ANKRD28: variants seen among roughly 807,000 people sequenced by gnomAD.
ANKRD28 encodes ankyrin repeat domain 28.
In ANKRD28, 44 loss-of-function variants were observed where a neutral mutation model predicts 126.5. The observed-to-expected ratio is 0.35, with a 90% CI of 0.27 to 0.45. The LOEUF is 0.45. Ranked by LOEUF, ANKRD28 falls within the 20% of genes least tolerant of loss-of-function variation. The pLI is 1.00. For missense variants in ANKRD28, 1,110 were observed against 1,316.6 expected, an observed-to-expected ratio of 0.84 and a Z score of 2.43; for synonymous variants, 442 against 468.5, an observed-to-expected ratio of 0.94 and a Z score of 0.73.
chr3:15,799,342 A>G (rs774467928), upstream of ANKRD28, among the ~76,000 whole-genome samples: 2 of 151,976 alleles, frequency 1.3e-5, no homozygotes, highest in Non-Finnish European at 2.9e-5. Context: ...AAATCCCAGC[A>G]TGATACAAAT....
chr3:15,708,120 C>T, intron 13 of ANKRD28, 56 bp from the exon 14 acceptor site: 1 of 1,538,780 alleles, frequency 6.5e-7, no homozygotes, highest in Middle Eastern at 1.7e-4. Flanking sequence ...AACTAGTAAA[C>T]AAAAGCATAG....
At chr3:15,751,890 G>C in intron 3 of ANKRD28, 70 bp from the exon 4 acceptor site, 1 of 1,057,724 alleles carries the variant, frequency 9.5e-7, no homozygotes, top group Non-Finnish European at 1.4e-6. Context: ...TCCTGAAATA[G>C]TAGTTATATA....
chr3:15,700,847 T>C (rs1375477761), intron 14 of ANKRD28, among the ~76,000 whole-genome samples: 1 of 152,062 alleles, frequency 6.6e-6, no homozygotes, highest in Non-Finnish European at 1.5e-5. Context: ...AGCACTGAAA[T>C]AGCACTGGTA....
At chr3:15,717,856 C>T (rs552709185) in intron 8 of ANKRD28, among the ~76,000 whole-genome samples, 2 of 152,168 alleles carry the variant, frequency 1.3e-5, no homozygotes, top group South Asian at 2.1e-4. Context: ...GAATTTATAA[C>T]CTTAGAAACT....
chr3:15,767,520 T>C (rs1220490343), intron 2 of ANKRD28, among the ~76,000 whole-genome samples: 1 of 151,420 alleles, frequency 6.6e-6, no homozygotes, highest in Non-Finnish European at 1.5e-5. Context: ...GGTATGTGAG[T>C]GGAAATTAAT....
At chr3:15,700,646 C>T (rs139826759) in intron 14 of ANKRD28, among the ~76,000 whole-genome samples, 2,243 of 151,862 alleles carry the variant, frequency 0.015, 59 homozygotes, top group African/African-American at 0.051. Context: ...TGGTGGCGGG[C>T]GCCTGTAGTC....
chr3:15,828,164 C>T (rs989404370), intron 1 of ANKRD28, among the ~76,000 whole-genome samples: 10 of 152,038 alleles, frequency 6.6e-5, no homozygotes, highest in African/African-American at 2.2e-4. Flanking sequence ...GCTAAAAAAG[C>T]ATCACTTACA....
chr3:15,852,715 C>T (rs2061679699), intron 1 of ANKRD28, among the ~76,000 whole-genome samples: 1 of 151,664 alleles, frequency 6.6e-6, no homozygotes, highest in Admixed American at 6.6e-5. Flanking sequence ...TGCCTGTAAT[C>T]CCAGCTATTT....
intron 4 of ANKRD28, among the ~76,000 whole-genome samples, chr3:15,743,384 A>AAAAC (rs1553616013): frequency 2.6e-5 from 4 of 152,004 alleles, no homozygotes; most frequent in East Asian, 1.9e-4. Flanking sequence ...ACAAAAAAAA[A>AAAAC]CAAAACATAT....
At position 15,819,536 on chromosome 3, in the gene ANKRD28, A is replaced by G. The variant is rs139980517; in HGVS notation, c.28-24230T>C. Among the ~76,000 whole-genome samples the G allele has an allele frequency of 2.7e-3, 408 of 152,318 alleles. 2 individuals are homozygous for G. Among genetic ancestry groups the G allele is most frequent in the African/African-American group, 9.0e-3 (376 of 41,564 alleles). ...TCATAAAATCTCTAGGTATAAACAA[A>G]ATAATATTGGTTGGCTACAGTACAG... On this transcript the variant is annotated intron_variant, in intron 1 of 27. Transcript: ENST00000399451.
At chr3:15,856,957 T>C (rs1468085113) in intron 1 of ANKRD28, among the ~76,000 whole-genome samples, 4 of 152,256 alleles carry the variant, frequency 2.6e-5, no homozygotes, top group Non-Finnish European at 4.4e-5. Flanking sequence ...CTAAAAGCTA[T>C]GGCAAGTACC....
chr3:15,846,969 A>G lies in ANKRD28; in HGVS notation c.27+12408T>C, dbSNP rs987284328. ...CCCAAACACAAAAGGTCTAGTAAAT[A>G]TAAGTTATCTGGGGCCTGGGAGAAA... On this transcript the variant is annotated intron_variant, in intron 1 of 27. Transcript: ENST00000399451. This position sits in a 1 kb window ranked among gnomAD's most constrained non-coding sequence, Gnocchi z 5.4. 6.6e-6 allele frequency among the ~76,000 whole-genome samples: 1 copy of G among 152,220 alleles called. No homozygotes were observed. The highest frequency in any genetic ancestry group is 1.5e-5 in the Non-Finnish European group (1 of 68,036).
intron 3 of ANKRD28, among the ~76,000 whole-genome samples, chr3:15,759,762 T>C (rs577346084): frequency 6.6e-6 from 1 of 152,232 alleles, no homozygotes; most frequent in Admixed American, 6.5e-5. Flanking sequence ...GGACACTGAG[T>C]CAAGCGAAGC....
At chr3:15,827,949 G>A (rs12494762) in intron 1 of ANKRD28, among the ~76,000 whole-genome samples, 20,882 of 151,948 alleles carry the variant, frequency 0.14, 2,157 homozygotes, top group East Asian at 0.58. Flanking sequence ...TATACAAATG[G>A]CCAATCAACA....
At chr3:15,826,493 G>GA (rs1345840001) in intron 1 of ANKRD28, among the ~76,000 whole-genome samples, 1 of 152,086 alleles carries the variant, frequency 6.6e-6, no homozygotes, top group Non-Finnish European at 1.5e-5. Context: ...CAGTATAAGT[G>GA]AAAAAAGCCT....
chr3:15,835,840 A>G (rs887283892), intron 1 of ANKRD28, among the ~76,000 whole-genome samples: 1 of 152,240 alleles, frequency 6.6e-6, no homozygotes, highest in Non-Finnish European at 1.5e-5. Flanking sequence ...GTTCTCCAGG[A>G]CCAAAGTGAC....
chr3:15,832,520 C>G (rs1025215707), intron 1 of ANKRD28, among the ~76,000 whole-genome samples: 1 of 152,208 alleles, frequency 6.6e-6, no homozygotes, highest in African/African-American at 2.4e-5. Context: ...CTTACATGCA[C>G]TTACTGCATT....
At chr3:15,798,151 G>A (rs191021927), upstream of ANKRD28, 748 of 985,394 alleles carry the variant, frequency 7.6e-4, no homozygotes, top group Middle Eastern at 9.4e-3. Flanking sequence ...AAAGCCACAA[G>A]GAAATCTGGT....
chr3:15,694,531 T>C (rs1220218544), intron 17 of ANKRD28, among the ~76,000 whole-genome samples: 2 of 151,896 alleles, frequency 1.3e-5, no homozygotes, highest in South Asian at 2.1e-4. Context: ...TTTTTTTTTT[T>C]CTAAAGCAAG....
Sources: gnomAD v4.1 joint callset for allele counts (sites outside exome capture counted in the v4.1 genomes callset) on GRCh38, gnomAD v4.1.1 for gene constraint, Gnocchi (gnomAD v3.1) non-coding constraint, MANE v1.5 for transcripts, NCBI Gene and HGNC (gene_info 2026-07-23, HGNC 2026-07-21) for gene names.